Variants in PTPRH observed in about 807,000 individuals in gnomAD.
PTPRH encodes the protein receptor-type tyrosine-protein phosphatase H.
PTPRH carries 113 observed loss-of-function variants against 130.2 expected under a neutral mutation model. The observed-to-expected ratio is 0.87, with a 90% CI of 0.75 to 1.01. The LOEUF (loss-of-function observed/expected upper bound fraction) is 1.01. Ranked by LOEUF, PTPRH falls within the 50% of genes least tolerant of loss-of-function variation. The pLI is 0.00. For synonymous variants in PTPRH, 556 were observed against 577.9 expected (o/e 0.96, Z 0.54); for missense variants, 1,430 against 1,425.0 (o/e 1.00, Z -0.06).
intron 10 of PTPRH, chr19:55,194,242 C>A (rs1308914180): frequency 7.8e-7 from 1 of 1,289,640 alleles, no homozygotes; most frequent in South Asian, 1.2e-5. Flanking sequence ...TAGGCTCAAG[C>A]CTATGGCCCA....
intron 10 of PTPRH, among the ~76,000 whole-genome samples, chr19:55,192,520 T>C (rs1008201616): frequency 6.6e-6 from 1 of 152,024 alleles, no homozygotes; most frequent in African/African-American, 2.4e-5. Flanking sequence ...TAGTTAAGTT[T>C]TGGGGGAGTC....
intron 18 of PTPRH, among the ~76,000 whole-genome samples, chr19:55,185,175 A>G (rs1473599566): frequency 6.6e-6 from 1 of 151,884 alleles, no homozygotes; most frequent in African/African-American, 2.4e-5. Flanking sequence ...TTGTATGTTT[A>G]GTAGAGACAA....
At chr19:55,203,106 A>C (rs1600069599) in intron 5 of PTPRH, among the ~76,000 whole-genome samples, 1 of 151,500 alleles carries the variant, frequency 6.6e-6, no homozygotes, top group Non-Finnish European at 1.5e-5. Flanking sequence ...AGGCGGGTGG[A>C]TCACAAGGTC....
At position 55,196,867 on chromosome 19, in the gene PTPRH, G is replaced by A; in HGVS notation, c.1991-79C>T. The A allele has an allele frequency of 3.3e-6, 5 of 1,523,468 alleles. No individual in the cohort carries two copies. The South Asian group carries it at 6.2e-5, about 19-fold the overall frequency. The allele number at this position is 1,523,468 out of a possible 1,614,324, so 94.4% of individuals were successfully genotyped here. A position where few individuals can be genotyped will look rare whatever the true frequency, so the allele number is the denominator to read the frequency against. On this transcript the variant is annotated intron_variant, in intron 9 of 19. Coordinates refer to ENST00000376350, the MANE Select transcript of PTPRH (RefSeq NM_002842.5). ...CCTCCACCCCTACCCCCAGTTTTCT[G>A]AGACGAGCCCATCCCTTCCTCGCCA...
In PTPRH at chr19:55,207,285, C is replaced by T. The variant is rs537432107; in HGVS notation, c.52-86G>A. The T allele has an allele frequency of 4.1e-6, 6 of 1,460,418 alleles. No individual in the cohort carries two copies. In the South Asian group the frequency reaches 7.5e-5, roughly 18 times the overall value. 90.5% of individuals were successfully genotyped at this position (1,460,418 alleles called of 1,614,324 possible). A position where few individuals can be genotyped will look rare whatever the true frequency, so the allele number is the denominator to read the frequency against. ...CGAGGGGCTGGGAGGAGCGGCTGGT[C>T]CCCGCCCCATGAGTCACCCTTGCAT... is the stretch of plus-strand genomic sequence containing the variant. On this transcript the variant is annotated intron_variant, in intron 1 of 19. Coordinates refer to ENST00000376350, the MANE Select transcript of PTPRH (RefSeq NM_002842.5).
intron 10 of PTPRH, among the ~76,000 whole-genome samples, chr19:55,195,235 G>A (rs2086649626): frequency 6.6e-6 from 1 of 152,206 alleles, no homozygotes; most frequent in Admixed American, 6.5e-5. Flanking sequence ...TGAGGCAGGA[G>A]AATCGCTTGA....
chr19:55,193,935 G>A (rs966671154), intron 10 of PTPRH: 99 of 284,556 alleles, frequency 3.5e-4, no homozygotes, highest in African/African-American at 2.1e-3. Flanking sequence ...CGCAACCTCC[G>A]CCTCCTGGGT....
Position 55,188,280 on chromosome 19 carries a change from AG to A in PTPRH, c.2385-113del. 3 of 789,736 alleles carry A rather than the reference AG, an allele frequency of 3.8e-6. No individual in the cohort carries two copies. The South Asian group carries it at 4.4e-5, about 12-fold the overall frequency. The allele number at this position is 789,736 out of a possible 1,614,324, so 48.9% of individuals were successfully genotyped here. A position where few individuals can be genotyped will look rare whatever the true frequency, so the allele number is the denominator to read the frequency against. ...GTAATCCCAGCACTTTGGGAGGCCG[AG>A]GCGGGTGGATCACCTGAGGTCAGGA... On this transcript the variant is annotated intron_variant, in intron 12 of 19. Transcript: ENST00000376350.
At position 55,203,509 on chromosome 19, in the gene PTPRH, G is replaced by A. The variant is rs1342991616; in HGVS notation, c.886+273C>T. ...GAGCTCACTGCAACCTCTGCCTCCC[G>A]GGCTCAAGCGATCCTCTCACCTCAG... On this transcript the variant is annotated intron_variant, in intron 5 of 19. Coordinates refer to ENST00000376350, the MANE Select transcript of PTPRH (RefSeq NM_002842.5). Among the ~76,000 whole-genome samples, 5 of 151,064 alleles carry A rather than the reference G, an allele frequency of 3.3e-5. No homozygotes were observed. In the South Asian group the frequency reaches 6.3e-4, roughly 19 times the overall value.
At chr19:55,196,414 C>T in intron 10 of PTPRH, 108 bp downstream of exon 10, 8 of 1,353,240 alleles carry the variant, frequency 5.9e-6, no homozygotes, top group Non-Finnish European at 7.0e-6. Flanking sequence ...AAAGATGTTT[C>T]AAAGGAAATG....
intron 8 of PTPRH, 123 bp from the exon 9 acceptor site, chr19:55,197,539 G>T: frequency 1.1e-6 from 1 of 916,862 alleles, no homozygotes; most frequent in Non-Finnish European, 1.6e-6. Flanking sequence ...GGCTAAGGAG[G>T]CTGAACCACA....
At chr19:55,188,269 T>C (rs2086425045) in intron 12 of PTPRH, 101 bp from the exon 13 acceptor site, 11 of 942,272 alleles carry the variant, frequency 1.2e-5, no homozygotes, top group Non-Finnish European at 1.7e-5. Context: ...TCCCAGCACT[T>C]TGGGAGGCCG....
Position 55,187,495 on chromosome 19 carries a change from C to G in PTPRH, c.2566+18G>C. On this transcript the variant is annotated intron_variant, in intron 14 of 19. Transcript: ENST00000376350. ...TAGATCAGGGCTGGGACAAAAGCAG[C>G]AGGAACCCGAGACTCACAGGGCAGC... is the stretch of plus-strand genomic sequence containing the variant. The G allele has an allele frequency of 6.2e-7, 1 of 1,600,548 alleles. No homozygotes were observed. Among genetic ancestry groups the G allele is most frequent in the Non-Finnish European group, 8.6e-7 (1 of 1,168,782 alleles).
intron 14 of PTPRH, 59 bp downstream of exon 14, chr19:55,187,454 G>A (rs2086392737): frequency 7.1e-7 from 1 of 1,412,360 alleles, no homozygotes. Context: ...GAAGGGGACT[G>A]GGGTGGGGTG....
rs2087171390 is a variant in PTPRH at position 55,209,490 on chromosome 19, G to T, written c.-57C>A. 1.7e-6 allele frequency: 2 copies of T among 1,210,202 alleles called. No homozygotes were observed. The highest frequency in any genetic ancestry group is 2.4e-6 in the Non-Finnish European group (2 of 844,240). The allele number at this position is 1,210,202 out of a possible 1,614,324, so 75.0% of individuals were successfully genotyped here. On this transcript the variant is annotated 5_prime_UTR_variant, in exon 1 of 20. Transcript: ENST00000376350. The surrounding 1 kb of genome is among the most constrained non-coding windows in gnomAD (Gnocchi z 4.1). ...CCAGGCCTAGTCCTTCCACCTGCTG[G>T]ACTTTACACTCAAGAATTTCCCCTT... is the stretch of plus-strand genomic sequence containing the variant.
rs771110471 is a variant in PTPRH at position 55,202,219 on chromosome 19, G to A, written c.990C>T (p.Tyr330=). The part of the protein sequence containing the change: ...PDGPDPQNST[Y]GVEYTGDGGR... Reference sequence around the variant, plus strand: ...CACCATCTCCAGTGTACTCAACCCCGTAGGTGGAGTTCTGTGGGTCTGGGC... The same window carrying A: ...CACCATCTCCAGTGTACTCAACCCCATAGGTGGAGTTCTGTGGGTCTGGGC... Residue 330 remains tyrosine, a synonymous_variant, in exon 6 of 20, where the codon TAC becomes TAT. Coordinates refer to ENST00000376350, the MANE Select transcript of PTPRH (RefSeq NM_002842.5). 6.2e-6 allele frequency: 10 copies of A among 1,614,048 alleles called. No individual in the cohort carries two copies. In the African/African-American group the frequency reaches 8.0e-5, roughly 13 times the overall value.
chr19:55,194,228 A>T, intron 10 of PTPRH: 2 of 1,289,764 alleles, frequency 1.6e-6, no homozygotes, highest in Non-Finnish European at 2.0e-6. Context: ...GTCTCGTCTT[A>T]GGGTAGGCTC....
chr19:55,201,486 G>T (rs913643061), intron 6 of PTPRH, among the ~76,000 whole-genome samples: 2 of 152,248 alleles, frequency 1.3e-5, no homozygotes, highest in Admixed American at 6.5e-5. Flanking sequence ...ATGAAGGGGG[G>T]ACTGGGAGCC....
chr19:55,186,640 A>AC lies in PTPRH; in HGVS notation c.2567-101_2567-100insG, dbSNP rs1555875420. The stretch of plus-strand genomic sequence containing the variant: ...CCCAGAGAGGCACAGAGACAAGACC[A>AC]AGACCCATGGACAAAAGTCATGCCG... On this transcript the variant is annotated intron_variant, in intron 14 of 19. Coordinates refer to ENST00000376350, the MANE Select transcript of PTPRH (RefSeq NM_002842.5). 4.1e-3 allele frequency: 4,807 copies of AC among 1,171,778 alleles called. 6 individuals carry two copies. The highest frequency in any genetic ancestry group is 0.011 in the Admixed American group (510 of 46,100). The allele number at this position is 1,171,778 out of a possible 1,614,324, so 72.6% of individuals were successfully genotyped here. A position where few individuals can be genotyped will look rare whatever the true frequency, so the allele number is the denominator to read the frequency against.
Sources: gnomAD v4.1 joint callset for allele counts (sites outside exome capture counted in the v4.1 genomes callset) on GRCh38, gnomAD v4.1.1 for gene constraint, Gnocchi (gnomAD v3.1) non-coding constraint, MANE v1.5 for transcripts, NCBI Gene and HGNC (gene_info 2026-07-23, HGNC 2026-07-21) for gene names.